The following HYCC1 variants were observed in gnomAD, a reference collection of about 807,000 sequenced individuals.
The protein encoded by HYCC1 is hyccin.
chr7:22,981,630 TGGTCCTGAG>T, the HYCC1 span, among the ~76,000 whole-genome samples: 1 of 152,172 alleles, frequency 6.6e-6, no homozygotes, highest in Non-Finnish European at 1.5e-5. Context: ...TCGGAAAGTG[TGGTCCTGAG>T]GATCATCCAC....
the HYCC1 span, among the ~76,000 whole-genome samples, chr7:22,928,542 A>G: frequency 2.3e-4 from 35 of 152,324 alleles, 1 homozygote; most frequent in Admixed American, 2.0e-3. Context: ...TACACCAATA[A>G]CAGACAAACA....
chr7:22,900,021 A>T, the HYCC1 span, among the ~76,000 whole-genome samples: 3 of 152,224 alleles, frequency 2.0e-5, no homozygotes, highest in Admixed American at 2.0e-4. Flanking sequence ...GTAGATAATA[A>T]ACATTGTCTA....
At chr7:22,966,630 G>C in the HYCC1 span, among the ~76,000 whole-genome samples, 1 of 152,094 alleles carries the variant, frequency 6.6e-6, no homozygotes, top group Non-Finnish European at 1.5e-5. Flanking sequence ...CTAGCCAATA[G>C]ATTGTAATTA....
the HYCC1 span, among the ~76,000 whole-genome samples, chr7:22,905,093 G>T: frequency 6.6e-6 from 1 of 152,082 alleles, no homozygotes; most frequent in Non-Finnish European, 1.5e-5. Flanking sequence ...GATCTTTTGT[G>T]AACTCACTTA....
the HYCC1 span, among the ~76,000 whole-genome samples, chr7:22,970,888 A>T: frequency 1.3e-5 from 2 of 152,182 alleles, no homozygotes; most frequent in Admixed American, 1.3e-4. Context: ...TCCCTTCACA[A>T]ATCCAAACAT....
chr7:22,981,532 T>G, the HYCC1 span, among the ~76,000 whole-genome samples: 1 of 152,176 alleles, frequency 6.6e-6, no homozygotes, highest in African/African-American at 2.4e-5. Flanking sequence ...AGCGAGTGGT[T>G]TTTTTAAGAA....
the HYCC1 span, chr7:22,964,508 C>T: frequency 2.6e-4 from 411 of 1,603,486 alleles, 5 homozygotes; most frequent in East Asian, 7.7e-3. Flanking sequence ...TACATGTTGT[C>T]GAGGATATCC....
chr7:22,919,346 T>C, the HYCC1 span, among the ~76,000 whole-genome samples: 1 of 152,170 alleles, frequency 6.6e-6, no homozygotes, highest in African/African-American at 2.4e-5. Flanking sequence ...CTGGCCAACA[T>C]GGCGAAACCC....
At chr7:22,941,641 A>C in the HYCC1 span, 13 of 152,184 alleles carry the variant, frequency 8.5e-5, no homozygotes, top group Admixed American at 4.6e-4. Context: ...ACTATAAAAA[A>C]ACACAAAAAC....
chr7:22,919,795 TCC>T, the HYCC1 span, among the ~76,000 whole-genome samples: 2 of 147,672 alleles, frequency 1.4e-5, no homozygotes, highest in South Asian at 4.3e-4. Flanking sequence ...ATTAAAAGAG[TCC>T]CAGAGAAATA....
the HYCC1 span, among the ~76,000 whole-genome samples, chr7:22,997,005 G>A: frequency 4.9e-4 from 74 of 152,170 alleles, no homozygotes; most frequent in African/African-American, 1.4e-3. Flanking sequence ...ACATGTTCCG[G>A]AGCAGAATAT....
At chr7:22,988,083 TGATAACCTTCTTC>T in the HYCC1 span, among the ~76,000 whole-genome samples, 1 of 64,204 alleles carries the variant, frequency 1.6e-5, no homozygotes, top group East Asian at 6.9e-4. Context: ...TGATTTTGCC[TGATAACCTTCTTC>T]TCTTTGTCAA....
the HYCC1 span, among the ~76,000 whole-genome samples, chr7:22,955,734 C>G: frequency 6.6e-6 from 1 of 151,422 alleles, no homozygotes; most frequent in Admixed American, 6.6e-5. Flanking sequence ...TGGAAAAACA[C>G]AAGGAAATAA....
chr7:22,951,899 T>A, the HYCC1 span, among the ~76,000 whole-genome samples: 1 of 151,864 alleles, frequency 6.6e-6, no homozygotes, highest in African/African-American at 2.4e-5. Context: ...TAGAAAAAAC[T>A]AAATGAAAAT....
chr7:23,005,017 G>C, the HYCC1 span, among the ~76,000 whole-genome samples: 1 of 152,148 alleles, frequency 6.6e-6, no homozygotes, highest in African/African-American at 2.4e-5. Context: ...GTGTTAGTCA[G>C]GATGGTCTCG....
the HYCC1 span, among the ~76,000 whole-genome samples, chr7:22,901,161 C>A: frequency 8.2e-6 from 1 of 122,404 alleles, no homozygotes; most frequent in South Asian, 2.5e-4. Flanking sequence ...GTTGAGGGGG[C>A]AGTAAGCCAT....
the HYCC1 span, among the ~76,000 whole-genome samples, chr7:22,914,269 C>T: frequency 9.0e-3 from 1,370 of 152,302 alleles, 14 homozygotes; most frequent in Non-Finnish European, 0.011. Flanking sequence ...ATTGCGGGGA[C>T]GCCCGCTTTG....
the HYCC1 span, among the ~76,000 whole-genome samples, chr7:22,993,255 C>A: frequency 1.3e-5 from 2 of 152,198 alleles, no homozygotes; most frequent in East Asian, 3.9e-4. Context: ...TTCAGTTGGA[C>A]CACAGATCTA....
At chr7:22,984,492 G>A in the HYCC1 span, among the ~76,000 whole-genome samples, 2 of 152,142 alleles carry the variant, frequency 1.3e-5, no homozygotes, top group African/African-American at 4.8e-5. Flanking sequence ...GGCTGAAGCA[G>A]GAGGACTGAT....
Sources: allele counts gnomAD v4.1 joint callset (sites outside exome capture counted in the v4.1 genomes callset), GRCh38; gene constraint gnomAD v4.1.1; transcripts MANE v1.5; gene names NCBI Gene and HGNC (gene_info 2026-07-23, HGNC 2026-07-21).